Variants in NAALADL2 observed in about 807,000 individuals in gnomAD.
NAALADL2 encodes N-acetylated alpha-linked acidic dipeptidase like 2.
NAALADL2 carries 76 observed loss-of-function variants against 87.2 expected under a neutral mutation model. The observed-to-expected ratio is 0.87, with a 90% CI of 0.72 to 1.05. NAALADL2 has a LOEUF of 1.05. NAALADL2 is among the 50% of genes least tolerant of loss of function. The probability of loss-of-function intolerance (pLI) is 0.00; values close to 1 mark genes in which losing one functional copy is unlikely to be tolerated. For missense variants in NAALADL2, 1,089 were observed against 945.8 expected, an observed-to-expected ratio of 1.15 and a Z score of -1.99; for synonymous variants, 354 against 331.0, an observed-to-expected ratio of 1.07 and a Z score of -0.75.
At chr3:175,431,254 G>A (rs1430731217) in intron 5 of NAALADL2, among the ~76,000 whole-genome samples, 2 of 151,862 alleles carry the variant, frequency 1.3e-5, no homozygotes, top group Non-Finnish European at 2.9e-5. Context: ...TCACGAGTTG[G>A]GCATACTGCA....
intron 5 of NAALADL2, among the ~76,000 whole-genome samples, chr3:175,397,984 A>C (rs1263383794): frequency 6.6e-6 from 1 of 152,252 alleles, no homozygotes. Context: ...TGATTTACAA[A>C]ATTGAAGTGT....
At chr3:175,445,820 A>C (rs183667919) in intron 5 of NAALADL2, among the ~76,000 whole-genome samples, 5 of 152,104 alleles carry the variant, frequency 3.3e-5, no homozygotes, top group Admixed American at 3.3e-4. Context: ...TTACACTCTG[A>C]TCTTACTGTA....
intron 5 of NAALADL2, among the ~76,000 whole-genome samples, chr3:175,412,927 A>ATTATTATTATTTTTT (rs1216480862): frequency 1.4e-5 from 2 of 145,632 alleles, no homozygotes; most frequent in African/African-American, 5.0e-5. Context: ...TATTATTATT[A>ATTATTATTATTTTTT]TTTTTGAGAC....
intron 11 of NAALADL2, among the ~76,000 whole-genome samples, chr3:175,680,272 A>C (rs990946556): frequency 1.3e-5 from 2 of 152,204 alleles, no homozygotes; most frequent in African/African-American, 2.4e-5. Context: ...GTTTCAGTGA[A>C]TAGATTTTGT....
chr3:175,296,191 G>A (rs1345408536), intron 4 of NAALADL2, among the ~76,000 whole-genome samples: 1 of 91,874 alleles, frequency 1.1e-5, no homozygotes, highest in African/African-American at 3.3e-5. Flanking sequence ...AATGTAGGAG[G>A]ATTTTCAGTT....
At chr3:174,854,226 G>T (rs1194977652) in intron 3 of NAALADL2, among the ~76,000 whole-genome samples, 2 of 152,094 alleles carry the variant, frequency 1.3e-5, no homozygotes, top group African/African-American at 4.8e-5. Context: ...AATATCTTTT[G>T]CAGTACATGG....
At chr3:175,419,658 C>G (rs547370226) in intron 5 of NAALADL2, among the ~76,000 whole-genome samples, 3 of 152,070 alleles carry the variant, frequency 2.0e-5, no homozygotes, top group Admixed American at 2.0e-4. Flanking sequence ...TTTTGTTCCT[C>G]TGTGCCTTCT....
intron 2 of NAALADL2, among the ~76,000 whole-genome samples, chr3:175,109,629 G>T (rs1281127630): frequency 6.6e-6 from 1 of 151,968 alleles, no homozygotes; most frequent in South Asian, 2.1e-4. Flanking sequence ...GGATGCAGTG[G>T]TCAGTTCAAC....
chr3:174,935,003 C>T (rs189339647), intron 1 of NAALADL2, among the ~76,000 whole-genome samples: 33 of 151,742 alleles, frequency 2.2e-4, no homozygotes, highest in African/African-American at 6.3e-4. Flanking sequence ...GGCAAATGAA[C>T]TGTCCTGCCT....
intron 9 of NAALADL2, among the ~76,000 whole-genome samples, chr3:175,473,913 G>A (rs1582039477): frequency 1.3e-5 from 2 of 152,112 alleles, no homozygotes; most frequent in African/African-American, 2.4e-5. Flanking sequence ...TTCTTTGAGT[G>A]TACACACAGT....
rs79885873 is a variant in NAALADL2, at chr3:174,793,675, C to A, written c.-9+55929C>A. Among the ~76,000 whole-genome samples the A allele has an allele frequency of 1.5e-3, 234 of 152,216 alleles. 3 individuals are homozygous for A. The highest frequency in any genetic ancestry group is 5.2e-3 in the African/African-American group (217 of 41,564). ...CAAAACAGGACAAAAGTCTAAGTTT[C>A]ATTAAAAATCCGTGATCTTATAATT... On this transcript the variant is annotated intron_variant, in intron 3 of 3. Transcript: ENST00000434257.
chr3:174,784,757 T>C (rs1716398077), intron 3 of NAALADL2, among the ~76,000 whole-genome samples: 1 of 152,218 alleles, frequency 6.6e-6, no homozygotes, highest in African/African-American at 2.4e-5. Context: ...GTTTCCCTAT[T>C]CAACTGGTGA....
chr3:174,558,240 T>C (rs1018072095), intron 2 of NAALADL2, among the ~76,000 whole-genome samples: 2 of 152,148 alleles, frequency 1.3e-5, no homozygotes, highest in African/African-American at 4.8e-5. Flanking sequence ...AATTCTTTCC[T>C]GCAGTCTCCT....
At chr3:175,330,665 G>C (rs983633304) in intron 5 of NAALADL2, among the ~76,000 whole-genome samples, 1 of 152,128 alleles carries the variant, frequency 6.6e-6, no homozygotes, top group African/African-American at 2.4e-5. Flanking sequence ...GCAGTGCTAA[G>C]AGGGAATTTC....
chr3:174,705,271 G>A lies in NAALADL2; in HGVS notation c.-114-32370G>A, dbSNP rs376216017. Among the ~76,000 whole-genome samples, 10 of 152,246 alleles carry A rather than the reference G, an allele frequency of 6.6e-5. No homozygotes were observed. The East Asian group carries it at 1.9e-3, about 29-fold the overall frequency. The stretch of plus-strand genomic sequence containing the variant: ...GTACTTAGAAAAAATCCACGCAGAC[G>A]TGGGGAGAATGTACAAATACCATAC... On this transcript the variant is annotated intron_variant, in intron 2 of 3. Coordinates refer to the NAALADL2 transcript ENST00000434257.
chr3:175,178,540 G>A (rs749712586), intron 2 of NAALADL2, among the ~76,000 whole-genome samples: 4 of 151,996 alleles, frequency 2.6e-5, no homozygotes, highest in African/African-American at 2.4e-5. Flanking sequence ...TCTGAAGACA[G>A]CCAGGACACT....
intron 4 of NAALADL2, among the ~76,000 whole-genome samples, chr3:175,273,934 A>G (rs996663039): frequency 6.6e-6 from 1 of 152,032 alleles, no homozygotes; most frequent in Non-Finnish European, 1.5e-5. Context: ...TAAATAAGAG[A>G]CATTTCTTTG....
rs145304080 is a variant in NAALADL2, at chr3:175,114,449, A to T, written c.545+17158A>T. Among the ~76,000 whole-genome samples, 12 of 151,800 alleles carry T rather than the reference A, an allele frequency of 7.9e-5. No homozygotes were observed. The East Asian group carries it at 2.3e-3, about 29-fold the overall frequency. ...CTTTAGGCTGTGGGGAATGTGTATT[A>T]TTACGCTAAAGTAACCCTATTATAT... On this transcript the variant is annotated intron_variant, in intron 2 of 13. Transcript: ENST00000454872.
At chr3:175,388,681 T>G (rs981455095) in intron 5 of NAALADL2, among the ~76,000 whole-genome samples, 1 of 152,104 alleles carries the variant, frequency 6.6e-6, no homozygotes, top group Non-Finnish European at 1.5e-5. Flanking sequence ...GCCAGTCCTT[T>G]TTTCACATAC....
Sources: allele counts gnomAD v4.1 joint callset (sites outside exome capture counted in the v4.1 genomes callset), GRCh38; gene constraint gnomAD v4.1.1; transcripts MANE v1.5; gene names NCBI Gene and HGNC (gene_info 2026-07-23, HGNC 2026-07-21).